Variants in TRIO observed in about 807,000 individuals in gnomAD.
TRIO encodes triple functional domain protein.
In TRIO, 58 loss-of-function variants were observed where a neutral mutation model predicts 351.9. The observed-to-expected ratio is 0.16, with a 90% confidence interval of 0.13 to 0.21. TRIO has a LOEUF of 0.21. TRIO is among the 10% of genes least tolerant of loss of function. The pLI is 1.00. For synonymous variants in TRIO, 1,758 were observed against 1,595.7 expected, an observed-to-expected ratio of 1.10 and a Z score of -2.42; for missense variants, 3,201 against 4,027.8, an observed-to-expected ratio of 0.79 and a Z score of 5.56.
intron 34 of TRIO, among the ~76,000 whole-genome samples, 186 bp from the exon 35 acceptor site, chr5:14,460,833 G>T (rs1753724456): frequency 6.6e-6 from 1 of 152,182 alleles, no homozygotes; most frequent in Non-Finnish European, 1.5e-5. Context: ...ACTCAGGTTT[G>T]CTACACATTT....
At chr5:14,162,994 G>GT (rs1581254311) in intron 1 of TRIO, among the ~76,000 whole-genome samples, 1 of 151,928 alleles carries the variant, frequency 6.6e-6, no homozygotes, top group African/African-American at 2.4e-5. Context: ...TTGTTTGTTT[G>GT]TTTTTTTGTT....
At chr5:14,245,070 G>C (rs1794352068) in intron 1 of TRIO, among the ~76,000 whole-genome samples, 1 of 152,234 alleles carries the variant, frequency 6.6e-6, no homozygotes. Context: ...GGAAAAGCCA[G>C]CGAGTCTTTT....
At chr5:14,451,283 TGTGATC>T (rs1398642996) in intron 34 of TRIO, among the ~76,000 whole-genome samples, 1 of 152,200 alleles carries the variant, frequency 6.6e-6, no homozygotes, top group Non-Finnish European at 1.5e-5. Context: ...TCAGTTTTTA[TGTGATC>T]TGTAAGAGAA....
At chr5:14,382,130 A>G (rs538340343) in intron 21 of TRIO, among the ~76,000 whole-genome samples, 59 of 152,192 alleles carry the variant, frequency 3.9e-4, no homozygotes, top group Non-Finnish European at 7.9e-4. Context: ...AATTATTTCA[A>G]ATGTATAAGA....
intron 33 of TRIO, among the ~76,000 whole-genome samples, chr5:14,414,893 C>T (rs1749514937): frequency 6.6e-6 from 1 of 152,158 alleles, no homozygotes; most frequent in African/African-American, 2.4e-5. Context: ...TGTGGAGAAG[C>T]TTGGGTGGGT....
rs757243285 is a variant in TRIO at position 14,507,312 on chromosome 5, C to T, written c.8751+52C>T. On this transcript the variant is annotated intron_variant, in intron 56 of 56. Coordinates refer to ENST00000344204, the MANE Select transcript of TRIO (RefSeq NM_007118.4). ...GGGGGTCTGAGCACACCGGCTTGGC[C>T]ATGCGGGACACAGAGCCCCCTCTGA... The T allele has an allele frequency of 1.6e-5, 26 of 1,598,136 alleles. No homozygotes were observed. In the Admixed American group the frequency reaches 4.6e-4, roughly 28 times the overall value.
intron 1 of TRIO, among the ~76,000 whole-genome samples, chr5:14,256,870 G>A (rs140085935): frequency 4.6e-5 from 7 of 152,278 alleles, no homozygotes; most frequent in African/African-American, 1.7e-4. Flanking sequence ...GAATAAAGAA[G>A]GAAAACTTAG....
At chr5:14,176,432 C>G (rs1408598555) in intron 1 of TRIO, among the ~76,000 whole-genome samples, 1 of 152,002 alleles carries the variant, frequency 6.6e-6, no homozygotes, top group Non-Finnish European at 1.5e-5. Context: ...ATCGCGCCAC[C>G]GCACCCCAGC....
intron 29 of TRIO, among the ~76,000 whole-genome samples, chr5:14,397,895 C>T (rs1747746540): frequency 6.6e-6 from 1 of 152,076 alleles, no homozygotes; most frequent in Non-Finnish European, 1.5e-5. Flanking sequence ...AGGACCCAGG[C>T]TGTGTTCCAG....
intron 1 of TRIO, among the ~76,000 whole-genome samples, chr5:14,195,886 TCA>T (rs1388605086): frequency 2.0e-5 from 3 of 152,198 alleles, no homozygotes; most frequent in Non-Finnish European, 2.9e-5. Flanking sequence ...CTGTTCTCTT[TCA>T]GTGTGGGGGT....
chr5:14,245,233 C>T (rs1280230980), intron 1 of TRIO, among the ~76,000 whole-genome samples: 2 of 152,184 alleles, frequency 1.3e-5, no homozygotes, highest in Non-Finnish European at 2.9e-5. Context: ...GTAAAAGCTC[C>T]TTTGCACCTG....
chr5:14,455,116 A>G (rs1753174156), intron 34 of TRIO, among the ~76,000 whole-genome samples: 1 of 152,182 alleles, frequency 6.6e-6, no homozygotes, highest in Non-Finnish European at 1.5e-5. Context: ...CCAAAGAGTG[A>G]GTAGCAGCAA....
At chr5:14,343,667 G>T (rs1162378870) in intron 11 of TRIO, among the ~76,000 whole-genome samples, 1 of 152,134 alleles carries the variant, frequency 6.6e-6, no homozygotes, top group African/African-American at 2.4e-5. Flanking sequence ...GTCCACTGGG[G>T]ACATTCGAGT....
At chr5:14,498,495 A>G (rs778950802) in intron 52 of TRIO, 24 bp from the exon 53 acceptor site, 8 of 1,608,064 alleles carry the variant, frequency 5.0e-6, no homozygotes, top group Middle Eastern at 1.7e-4. Context: ...TCTGATGCGC[A>G]GTGTGTTCCC....
chr5:14,387,701 A>G, intron 22 of TRIO, 31 bp from the exon 23 acceptor site: 1 of 1,611,578 alleles, frequency 6.2e-7, no homozygotes, highest in Non-Finnish European at 8.5e-7. Flanking sequence ...TGATTTAATT[A>G]ACTGAGTTCA....
chr5:14,419,265 G>A (rs938885119), intron 33 of TRIO, among the ~76,000 whole-genome samples: 43 of 152,180 alleles, frequency 2.8e-4, no homozygotes, highest in African/African-American at 1.0e-3. Flanking sequence ...AGGAGGAGGC[G>A]CTTGAAGGAT....
At chr5:14,382,624 C>T (rs1746206522) in intron 21 of TRIO, among the ~76,000 whole-genome samples, 1 of 152,240 alleles carries the variant, frequency 6.6e-6, no homozygotes, top group South Asian at 2.1e-4. Flanking sequence ...CCCTCCCCTG[C>T]AGGGAGGGAT....
chr5:14,344,701 C>T (rs1001462442), intron 11 of TRIO, among the ~76,000 whole-genome samples: 1 of 152,156 alleles, frequency 6.6e-6, no homozygotes. Flanking sequence ...ATAATGTTGT[C>T]TCTACCTCAT....
At chr5:14,301,321 G>C (rs1191858258) in intron 7 of TRIO, among the ~76,000 whole-genome samples, 1 of 151,908 alleles carries the variant, frequency 6.6e-6, no homozygotes, top group African/African-American at 2.4e-5. Flanking sequence ...TCTGAAGCAG[G>C]CTCCTGATCT....
Sources: allele counts gnomAD v4.1 joint callset (sites outside exome capture counted in the v4.1 genomes callset), GRCh38; gene constraint gnomAD v4.1.1; transcripts MANE v1.5; gene names NCBI Gene and HGNC (gene_info 2026-07-23, HGNC 2026-07-21).